The following CDC25B variants were observed in gnomAD, a reference collection of about 807,000 sequenced individuals.
CDC25B encodes the protein M-phase inducer phosphatase 2.
In CDC25B, 33 loss-of-function variants were observed where a neutral mutation model predicts 69.8. That is an observed-to-expected ratio of 0.47 (90% confidence interval 0.36 to 0.63). The LOEUF (loss-of-function observed/expected upper bound fraction) is 0.63, where lower values mean the gene tolerates loss of function less well. CDC25B is among the 30% of genes least tolerant of loss of function. CDC25B has a pLI of 0.00. For synonymous variants in CDC25B, 341 were observed against 314.6 expected (o/e 1.08, Z -0.89); for missense variants, 727 against 809.1 (o/e 0.90, Z 1.23).
chr20:3,788,089 A>T (rs902390281), intron 1 of CDC25B, among the ~76,000 whole-genome samples: 1 of 152,110 alleles, frequency 6.6e-6, no homozygotes, highest in Non-Finnish European at 1.5e-5. Context: ...GGGAGCCAAG[A>T]TCATGCCACT....
chr20:3,799,363 T>TC (rs1302892969), intron 3 of CDC25B, among the ~76,000 whole-genome samples: 3 of 152,208 alleles, frequency 2.0e-5, no homozygotes, highest in African/African-American at 7.2e-5. Flanking sequence ...AAATTGGTCA[T>TC]CCCTGATGCC....
At chr20:3,804,486 G>T in intron 14 of CDC25B, 83 bp from the exon 15 acceptor site, 1 of 847,086 alleles carries the variant, frequency 1.2e-6, no homozygotes, top group Non-Finnish European at 2.0e-6. Flanking sequence ...GGCCCTCAAA[G>T]GAGGGGACGT....
intron 1 of CDC25B, 81 bp from the exon 2 acceptor site, chr20:3,797,541 A>T: frequency 6.5e-7 from 1 of 1,537,626 alleles, no homozygotes; most frequent in East Asian, 2.3e-5. Flanking sequence ...TTTCTCAGCA[A>T]GGGAGTGGGA....
chr20:3,801,223 C>G (rs1240232225), intron 7 of CDC25B, 31 bp from the exon 8 acceptor site: 2 of 1,610,398 alleles, frequency 1.2e-6, no homozygotes, highest in Non-Finnish European at 1.7e-6. Context: ...ATCTCCACCT[C>G]TAAGTCTGTG....
At position 3,796,722 on chromosome 20, in the gene CDC25B, G is replaced by A; in HGVS notation, c.191G>A (p.Gly64Glu). The change falls in exon 1 of 16, where the codon GGG (glycine) becomes GAG (glutamate). Residue 64 changes from glycine (G) to glutamate (E), a missense_variant. This residue lies in a region of CDC25B where 368 missense variants were observed against 345.6 expected (regional missense o/e 1.06). Transcript: ENST00000245960. ...ACCCAGACCATGCACGACCTCGCCG[G>A]GCTCGGCAGGTAGGACACCCCAAGG... is the stretch of plus-strand genomic sequence containing the variant. ...TLTQTMHDLAGLGSETPKSQV... is the reference protein window; with the variant it reads ...TLTQTMHDLAELGSETPKSQV... 3 of 1,568,330 alleles carry A rather than the reference G, an allele frequency of 1.9e-6. No homozygotes were observed. Among genetic ancestry groups the A allele is most frequent in the South Asian group, 1.1e-5 (1 of 87,316 alleles).
At chr20:3,798,787 CT>C (rs1483006162) in intron 3 of CDC25B, among the ~76,000 whole-genome samples, 4 of 152,202 alleles carry the variant, frequency 2.6e-5, no homozygotes, top group African/African-American at 9.7e-5. Context: ...TCCCGTTTTT[CT>C]TTCTTGCCTA....
exon 1 of CDC25B, chr20:3,787,122 A>T: frequency 3.0e-6 from 2 of 662,546 alleles, no homozygotes; most frequent in Non-Finnish European, 2.7e-6. Context: ...TTTTCACGTC[A>T]CCTGGAGAGA....
chr20:3,800,327 AAAGT>A lies in CDC25B; in HGVS notation c.422+3_422+6del. 1.2e-6 allele frequency: 2 copies of A among 1,614,048 alleles called. No homozygotes were observed. The highest frequency in any genetic ancestry group is 8.5e-7 in the Non-Finnish European group (1 of 1,180,008). On this transcript the variant is annotated splice_donor_variant and coding_sequence_variant, in exon 4 of 16. Coordinates refer to ENST00000245960, the MANE Select transcript of CDC25B (RefSeq NM_021873.4). LOFTEE classifies it high-confidence loss of function. ...TCCAGGCAGCCAGCCGGATCATTCGAAAGTAAGTGTTCCTGGGCCTCTTCCATCT... is the reference window on the plus strand; with the variant it reads ...TCCAGGCAGCCAGCCGGATCATTCGAAAGTGTTCCTGGGCCTCTTCCATCT...
intron 1 of CDC25B, 82 bp downstream of exon 1, chr20:3,796,813 A>G: frequency 6.8e-7 from 1 of 1,473,574 alleles, no homozygotes; most frequent in Non-Finnish European, 9.0e-7. Flanking sequence ...TGGGCATGGT[A>G]GTCGAATCCA....
In CDC25B at chr20:3,796,882, T is replaced by A; in HGVS notation, c.200+151T>A. On this transcript the variant is annotated intron_variant, in intron 1 of 15. Coordinates refer to ENST00000245960, the MANE Select transcript of CDC25B (RefSeq NM_021873.4). ...GGAGAGGTACGCCCTTGTTCCCTCCTAGGGGCCCAGGACATGGGAAGTGAG... is the reference window on the plus strand; with the variant it reads ...GGAGAGGTACGCCCTTGTTCCCTCCAAGGGGCCCAGGACATGGGAAGTGAG... 3 of 1,032,166 alleles carry A rather than the reference T, an allele frequency of 2.9e-6. No individual in the cohort carries two copies. The South Asian group carries it at 5.9e-5, about 20-fold the overall frequency. 63.9% of individuals were successfully genotyped at this position (1,032,166 alleles called of 1,614,324 possible). A position where few individuals can be genotyped will look rare whatever the true frequency, so the allele number is the denominator to read the frequency against.
At chr20:3,791,149 A>T (rs2088909306) in intron 1 of CDC25B, among the ~76,000 whole-genome samples, 1 of 152,228 alleles carries the variant, frequency 6.6e-6, no homozygotes, top group African/African-American at 2.4e-5. Context: ...AGTGCAAAGG[A>T]ATCACCTCCC....
At chr20:3,800,927 G>C in intron 6 of CDC25B, 44 bp from the exon 7 acceptor site, 1 of 1,612,216 alleles carries the variant, frequency 6.2e-7, no homozygotes, top group Non-Finnish European at 8.5e-7. Flanking sequence ...TGCTGGGGTG[G>C]TTCCCTGGCA....
chr20:3,797,898 TGGGA>T, intron 2 of CDC25B, 149 bp downstream of exon 2: 1 of 968,800 alleles, frequency 1.0e-6, no homozygotes, highest in South Asian at 1.5e-5. Flanking sequence ...TCCACAGAAA[TGGGA>T]GGAAGACACA....
chr20:3,790,007 C>G (rs1178334682), intron 1 of CDC25B, among the ~76,000 whole-genome samples: 1 of 151,566 alleles, frequency 6.6e-6, no homozygotes, highest in Non-Finnish European at 1.5e-5. Flanking sequence ...AAAAAATTAG[C>G]TAGGCATAGT....
intron 1 of CDC25B, among the ~76,000 whole-genome samples, chr20:3,790,940 A>G (rs1412953851): frequency 4.6e-5 from 7 of 152,084 alleles, no homozygotes; most frequent in Admixed American, 4.6e-4. Flanking sequence ...TCCTGAGCTC[A>G]AGCGAGTCTT....
rs868443154 is a variant in CDC25B, at chr20:3,803,803, G to A, written c.1490+266G>A. Among the ~76,000 whole-genome samples the A allele has an allele frequency of 3.3e-5, 5 of 151,678 alleles. No individual in the cohort carries two copies. Among genetic ancestry groups the A allele is most frequent in the Admixed American group, 3.3e-4 (5 of 15,262 alleles). On this transcript the variant is annotated intron_variant, in intron 14 of 15. Coordinates refer to ENST00000245960, the MANE Select transcript of CDC25B (RefSeq NM_021873.4). The surrounding 1 kb of genome is among the most constrained non-coding windows in gnomAD (Gnocchi z 4.9). ...AAAATTTAGTTCCAAGTCTCTAGCG[G>A]TGTCTTTTCTCGAAATCTAAGGGCC... is the stretch of plus-strand genomic sequence containing the variant.
rs1164728004 is a variant in CDC25B, at chr20:3,801,276, T to C, written c.728T>C (p.Met243Thr). 1.9e-6 allele frequency: 3 copies of C among 1,613,964 alleles called. No homozygotes were observed. The highest frequency in any genetic ancestry group is 2.5e-6 in the Non-Finnish European group (3 of 1,179,954). Residue 243 changes from methionine (M) to threonine (T), a missense_variant, in exon 8 of 16, where the codon ATG (methionine) becomes ACG (threonine). Met to Thr is a moderately conservative substitution (Grantham distance 81). Transcript: ENST00000245960. The stretch of plus-strand genomic sequence containing the variant: ...CAGTGTCTCAGTCCTGACCGGAAGA[T>C]GGAAGTGGAGGAGCTCAGCCCCCTG... ...DLMCLSPDRKMEVEELSPLAL... is the reference protein window; with the variant it reads ...DLMCLSPDRKTEVEELSPLAL...
intron 14 of CDC25B, among the ~76,000 whole-genome samples, chr20:3,804,171 G>C (rs2089391689): frequency 6.6e-6 from 1 of 152,196 alleles, no homozygotes; most frequent in South Asian, 2.1e-4. Context: ...CTGGGCACTG[G>C]CTTCAGTCTT....
At chr20:3,802,249 T>G in intron 10 of CDC25B, 32 bp from the exon 11 acceptor site, 2 of 1,591,978 alleles carry the variant, frequency 1.3e-6, no homozygotes, top group Non-Finnish European at 1.7e-6. Context: ...AGCCCCACCC[T>G]GACCCTGGCC....
Sources: allele counts gnomAD v4.1 joint callset (sites outside exome capture counted in the v4.1 genomes callset), GRCh38; gene constraint gnomAD v4.1.1; regional missense constraint gnomAD v4.1.1; non-coding constraint Gnocchi (gnomAD v3.1); transcripts MANE v1.5; gene names NCBI Gene and HGNC (gene_info 2026-07-23, HGNC 2026-07-21).